GLI3: variants seen among roughly 807,000 people sequenced by gnomAD.
GLI3 encodes the protein transcription activator GLI3.
A neutral mutation model predicts 100.8 loss-of-function variants in GLI3; 20 were observed. That is an observed-to-expected ratio of 0.20 (90% confidence interval 0.14 to 0.29). GLI3 has a LOEUF of 0.29. Among genes scored for constraint, GLI3 ranks in the 10% least tolerant of loss-of-function variants. GLI3 has a pLI of 1.00. For synonymous variants in GLI3, 938 were observed against 860.5 expected (o/e 1.09, Z -1.58); for missense variants, 2,040 against 2,128.5 (o/e 0.96, Z 0.82).
chr7:41,968,667 CAAGAAAGAAAGAAAGAAAGAAGAAAGA>C (rs1562661581), intron 13 of GLI3, among the ~76,000 whole-genome samples: 3 of 123,658 alleles, frequency 2.4e-5, no homozygotes, highest in African/African-American at 9.3e-5. Flanking sequence ...TGTGCTATAC[CAAGAAAGAAAGAAAGAAAGAAGAAAGA>C]AAGAAAGAAA....
chr7:41,980,603 G>A (rs1787637016), intron 10 of GLI3, among the ~76,000 whole-genome samples: 1 of 152,108 alleles, frequency 6.6e-6, no homozygotes, highest in African/African-American at 2.4e-5. Flanking sequence ...AAAAAAGGAA[G>A]GAAGGGAGGG....
At chr7:42,143,122 G>A (rs571288437) in intron 3 of GLI3, among the ~76,000 whole-genome samples, 10 of 152,218 alleles carry the variant, frequency 6.6e-5, no homozygotes, top group Admixed American at 2.6e-4. Context: ...GACTTGTTTG[G>A]ATCTCCTCAC....
At chr7:42,137,634 G>A (rs1786461113) in intron 3 of GLI3, among the ~76,000 whole-genome samples, 1 of 152,048 alleles carries the variant, frequency 6.6e-6, no homozygotes. Context: ...CACATCACCT[G>A]GTTTATTACC....
chr7:42,101,147 C>A (rs1785451954), intron 3 of GLI3, among the ~76,000 whole-genome samples: 1 of 152,138 alleles, frequency 6.6e-6, no homozygotes, highest in Admixed American at 6.5e-5. Flanking sequence ...AAACAAAGAA[C>A]CTAACAACCC....
At chr7:42,001,087 A>G (rs1188558392) in intron 10 of GLI3, among the ~76,000 whole-genome samples, 1 of 152,004 alleles carries the variant, frequency 6.6e-6, no homozygotes, top group Non-Finnish European at 1.5e-5. Flanking sequence ...TCTACTAAAA[A>G]TACAAAAATT....
At chr7:42,067,382 A>C (rs1303780310) in intron 4 of GLI3, among the ~76,000 whole-genome samples, 1 of 152,234 alleles carries the variant, frequency 6.6e-6, no homozygotes, top group Non-Finnish European at 1.5e-5. Flanking sequence ...TGTCTTAAAA[A>C]TGTAAAGCAT....
At chr7:41,988,183 C>T (rs1181557899) in intron 10 of GLI3, among the ~76,000 whole-genome samples, 1 of 152,124 alleles carries the variant, frequency 6.6e-6, no homozygotes, top group Non-Finnish European at 1.5e-5. Context: ...GGGCCTTGGC[C>T]AGGCACGGTG....
At chr7:42,219,102 T>C (rs1297296205) in intron 2 of GLI3, among the ~76,000 whole-genome samples, 1 of 152,254 alleles carries the variant, frequency 6.6e-6, no homozygotes, top group African/African-American at 2.4e-5. Flanking sequence ...TAAGGCATTT[T>C]ACTTACAGTC....
intron 4 of GLI3, among the ~76,000 whole-genome samples, chr7:42,055,058 CAT>C (rs762043978): frequency 6.9e-4 from 75 of 108,886 alleles, no homozygotes; most frequent in Non-Finnish European, 1.2e-3. Context: ...TATACACACA[CAT>C]ATATGTATAC....
chr7:42,127,191 G>C (rs117531255), intron 3 of GLI3, among the ~76,000 whole-genome samples: 1 of 152,142 alleles, frequency 6.6e-6, no homozygotes, highest in African/African-American at 2.4e-5. Flanking sequence ...TTTTAACTTC[G>C]GCCAGAGAGG....
intron 6 of GLI3, 79 bp downstream of exon 6, chr7:42,045,305 A>C (rs984090375): frequency 8.8e-5 from 117 of 1,328,294 alleles, no homozygotes; most frequent in Non-Finnish European, 1.2e-4. Context: ...CAATCACCTA[A>C]TCTTTGTATC....
At position 42,202,788 on chromosome 7, in the gene GLI3, CG is replaced by C. The variant is rs538473154; in HGVS notation, c.124+20341del. On this transcript the variant is annotated intron_variant, in intron 2 of 14. Transcript: ENST00000395925. ...TCTGTTAGAAGCTGCAGTGAATGGA[CG>C]GGGGTCCCACTGACGTCATCATAAA... is the stretch of plus-strand genomic sequence containing the variant. Among the ~76,000 whole-genome samples the C allele has an allele frequency of 1.4e-4, 22 of 152,262 alleles. No individual in the cohort carries two copies. The South Asian group carries it at 4.4e-3, about 30-fold the overall frequency.
At chr7:42,237,735 C>G (rs1788846491), upstream of GLI3, 1 of 152,256 alleles carries the variant, frequency 6.6e-6, no homozygotes, top group South Asian at 2.1e-4. Context: ...AGGACGCCTG[C>G]CGCCGCAGGG....
intron 1 of GLI3, among the ~76,000 whole-genome samples, chr7:42,230,541 A>G (rs1373270137): frequency 1.3e-5 from 2 of 152,260 alleles, no homozygotes; most frequent in Non-Finnish European, 2.9e-5. Flanking sequence ...TTTGACATGA[A>G]AGTAATCATT....
At chr7:42,197,272 A>T (rs1787945840) in intron 2 of GLI3, among the ~76,000 whole-genome samples, 1 of 152,234 alleles carries the variant, frequency 6.6e-6, no homozygotes, top group Non-Finnish European at 1.5e-5. Flanking sequence ...GCTAAGAGTA[A>T]TGACATAAAA....
At chr7:41,970,356 A>G (rs1240502875) in intron 13 of GLI3, among the ~76,000 whole-genome samples, 1 of 152,146 alleles carries the variant, frequency 6.6e-6, no homozygotes, top group Non-Finnish European at 1.5e-5. Flanking sequence ...CCTACTTTTA[A>G]ATGTGTGTGA....
chr7:42,248,675 A>T (rs1788998959), intron 1 of GLI3, among the ~76,000 whole-genome samples: 1 of 152,248 alleles, frequency 6.6e-6, no homozygotes, highest in African/African-American at 2.4e-5. Context: ...AGTAGATGGA[A>T]AAATTATTTC....
chr7:41,993,596 T>C (rs2299146), intron 10 of GLI3, among the ~76,000 whole-genome samples: 111,010 of 152,136 alleles, frequency 0.73, 41,001 homozygotes, highest in African/African-American at 0.85. Context: ...CAGGGATTTT[T>C]ATCAGTTTTG....
intron 4 of GLI3, 31 bp from the exon 5 acceptor site, chr7:42,048,727 T>A: frequency 7.2e-7 from 1 of 1,395,332 alleles, no homozygotes. Context: ...ATACAAGGGG[T>A]ATGCATGAGA....
Sources: allele counts gnomAD v4.1 joint callset (sites outside exome capture counted in the v4.1 genomes callset), GRCh38; gene constraint gnomAD v4.1.1; transcripts MANE v1.5; gene names NCBI Gene and HGNC (gene_info 2026-07-23, HGNC 2026-07-21).